PRPF18: variants seen among roughly 807,000 people sequenced by gnomAD.
PRPF18 encodes pre-mRNA processing factor 18.
A neutral mutation model predicts 46.5 loss-of-function variants in PRPF18; 38 were observed. The observed-to-expected ratio is 0.82, with a 90% CI of 0.63 to 1.07. The LOEUF is 1.07. Among genes scored for constraint, PRPF18 ranks in the 50% least tolerant of loss-of-function variants. The pLI, the probability that PRPF18 is intolerant of heterozygous loss-of-function variation, is 0.00. For synonymous variants in PRPF18, 152 were observed against 146.7 expected (o/e 1.04, Z -0.26); for missense variants, 263 against 410.0 (o/e 0.64, Z 3.10).
intron 3 of PRPF18, 42 bp downstream of exon 3, chr10:13,600,390 C>T (rs757611465): frequency 3.7e-5 from 53 of 1,431,286 alleles, no homozygotes; most frequent in African/African-American, 7.2e-5. Flanking sequence ...AAGATCTCCA[C>T]GGTGTTTACA....
chr10:13,632,567 A>G (rs2080599682), downstream of PRPF18: 2 of 152,174 alleles, frequency 1.3e-5, no homozygotes, highest in South Asian at 4.1e-4. Context: ...CAGTTAGTTA[A>G]TGTTCCATAT....
chr10:13,643,083 C>T, the PRPF18 span: 2 of 152,240 alleles, frequency 1.3e-5, no homozygotes, highest in African/African-American at 4.8e-5. Flanking sequence ...ATCTGTAAGT[C>T]AGGGACTCTT....
chr10:13,630,162 T>A (rs916189458), intron 9 of PRPF18, 98 bp from the exon 10 acceptor site: 22 of 1,015,050 alleles, frequency 2.2e-5, no homozygotes, highest in Non-Finnish European at 2.9e-5. Flanking sequence ...TGCTGCATTT[T>A]ATGGGGACAT....
At chr10:13,652,032 TGACACA>T in the PRPF18 span, 214 of 902,298 alleles carry the variant, frequency 2.4e-4, no homozygotes, top group African/African-American at 6.7e-4. Context: ...AGAGAGACAC[TGACACA>T]GACACAGACA....
intron 3 of PRPF18, among the ~76,000 whole-genome samples, chr10:13,602,305 T>C (rs2080123505): frequency 6.6e-6 from 1 of 152,226 alleles, no homozygotes; most frequent in Non-Finnish European, 1.5e-5. Context: ...TCTTGTTTTG[T>C]GGAATTGCCA....
At chr10:13,603,282 A>T (rs756002178) in intron 3 of PRPF18, among the ~76,000 whole-genome samples, 2 of 146,538 alleles carry the variant, frequency 1.4e-5, no homozygotes, top group Non-Finnish European at 3.0e-5. Flanking sequence ...TCTCTGTGTC[A>T]TTTTTTGGGG....
intron 6 of PRPF18, among the ~76,000 whole-genome samples, chr10:13,612,565 A>G (rs868452740): frequency 2.0e-5 from 3 of 149,722 alleles, no homozygotes; most frequent in Middle Eastern, 3.2e-3. Context: ...GATTATAGGC[A>G]TGAGCCACAG....
intron 1 of PRPF18, among the ~76,000 whole-genome samples, chr10:13,588,855 A>G (rs894282764): frequency 1.3e-5 from 2 of 152,176 alleles, no homozygotes; most frequent in Middle Eastern, 3.4e-3. Context: ...ACCCCTTCAC[A>G]CTCTTAAAAG....
the PRPF18 span, chr10:13,652,021 CAG>C: frequency 2.1e-6 from 2 of 975,564 alleles, no homozygotes; most frequent in East Asian, 2.4e-5. Flanking sequence ...GGTCATGTTA[CAG>C]AGAGACACTG....
At chr10:13,591,498 C>A in intron 1 of PRPF18, 1 of 697,416 alleles carries the variant, frequency 1.4e-6, no homozygotes, top group Non-Finnish European at 2.6e-6. Context: ...TGAGTCGGGG[C>A]AAACACAGAT....
chr10:13,648,045 G>A, the PRPF18 span: 1 of 152,170 alleles, frequency 6.6e-6, no homozygotes, highest in African/African-American at 2.4e-5. Flanking sequence ...AGAATCATCA[G>A]TCATCCCCAG....
intron 1 of PRPF18, 57 bp downstream of exon 1, chr10:13,587,209 G>A: frequency 6.5e-7 from 1 of 1,541,908 alleles, no homozygotes; most frequent in Admixed American, 1.7e-5. Flanking sequence ...TGTGTGTCGG[G>A]GTTTTGGGGT....
intron 1 of PRPF18, among the ~76,000 whole-genome samples, chr10:13,589,750 A>G (rs1003463798): frequency 3.9e-5 from 6 of 152,212 alleles, no homozygotes; most frequent in African/African-American, 1.4e-4. Flanking sequence ...GATGTATGTG[A>G]TGTAGTGTAA....
chr10:13,644,517 A>C, the PRPF18 span: 1 of 152,104 alleles, frequency 6.6e-6, no homozygotes, highest in Non-Finnish European at 1.5e-5. Flanking sequence ...CCTGCTCTCC[A>C]TTTCTCTCTG....
At chr10:13,607,247 C>T (rs952782303) in intron 4 of PRPF18, among the ~76,000 whole-genome samples, 1 of 151,622 alleles carries the variant, frequency 6.6e-6, no homozygotes. Context: ...GCTTTTTGTT[C>T]ATTTTAAAAA....
chr10:13,613,177 C>CT (rs1425812503), intron 6 of PRPF18, among the ~76,000 whole-genome samples: 5 of 152,016 alleles, frequency 3.3e-5, no homozygotes, highest in Non-Finnish European at 7.4e-5. Flanking sequence ...TCAGCCTTCT[C>CT]TGTTTCCTAC....
In PRPF18 at chr10:13,590,265, CAG is replaced by C. The variant is rs200765085; in HGVS notation, c.66+3116_66+3117del. ...AAGATAAGATTGATTTTTTCAATCA[CAG>C]AGCAGTTCAGACCAACAAAGGGCGT... On this transcript the variant is annotated intron_variant, in intron 1 of 9. Transcript: ENST00000378572. Among the ~76,000 whole-genome samples the C allele has an allele frequency of 9.7e-3, 1,468 of 151,610 alleles. 30 individuals carry two copies. Among genetic ancestry groups the C allele is most frequent in the African/African-American group, 0.033 (1,370 of 41,312 alleles).
chr10:13,619,474 G>T (rs1213435039), intron 9 of PRPF18, among the ~76,000 whole-genome samples: 1 of 152,210 alleles, frequency 6.6e-6, no homozygotes, highest in Non-Finnish European at 1.5e-5. Context: ...ATAAAACATT[G>T]CCCTTTTTGG....
At chr10:13,634,914 G>A (rs1452890847), downstream of PRPF18, among the ~76,000 whole-genome samples, 4 of 152,020 alleles carry the variant, frequency 2.6e-5, no homozygotes, top group African/African-American at 7.3e-5. Flanking sequence ...AATTTCAGGG[G>A]TATATGTGCA....
Sources: gnomAD v4.1 joint callset for allele counts (sites outside exome capture counted in the v4.1 genomes callset) on GRCh38, gnomAD v4.1.1 for gene constraint, MANE v1.5 for transcripts, NCBI Gene and HGNC (gene_info 2026-07-23, HGNC 2026-07-21) for gene names.